SLC25A17: variants seen among roughly 807,000 people sequenced by gnomAD.
The protein encoded by SLC25A17 is solute carrier family 25 member 17, also known as peroxisomal membrane protein PMP34.
A neutral mutation model predicts 38.5 loss-of-function variants in SLC25A17; 26 were observed. The observed-to-expected ratio is 0.68, with a 90% CI of 0.50 to 0.94. SLC25A17 has a LOEUF of 0.94. SLC25A17 is among the 40% of genes least tolerant of loss of function. The pLI, the probability that SLC25A17 is intolerant of heterozygous loss-of-function variation, is 0.00. For synonymous variants in SLC25A17, 139 were observed against 136.2 expected (o/e 1.02, Z -0.14); for missense variants, 333 against 372.7 (o/e 0.89, Z 0.88).
chr22:40,798,960 A>C (rs1436646267), intron 2 of SLC25A17, 63 bp downstream of exon 2: 3 of 1,143,216 alleles, frequency 2.6e-6, no homozygotes, highest in Non-Finnish European at 3.8e-6. Flanking sequence ...AAAAAAAAAG[A>C]AATTACTAGC....
chr22:40,774,098 G>A (rs1320743532), intron 7 of SLC25A17, 79 bp from the exon 8 acceptor site: 4 of 818,390 alleles, frequency 4.9e-6, no homozygotes, highest in African/African-American at 3.4e-5. Flanking sequence ...AGGATATTAT[G>A]TTGGAGTAGT....
At chr22:40,796,641 C>T (rs1240663571) in intron 2 of SLC25A17, among the ~76,000 whole-genome samples, 2 of 151,536 alleles carry the variant, frequency 1.3e-5, no homozygotes, top group East Asian at 3.9e-4. Context: ...AGAAGGCAAT[C>T]TGGCAATAAC....
At chr22:40,776,562 A>G (rs754452185) in intron 7 of SLC25A17, among the ~76,000 whole-genome samples, 1 of 152,218 alleles carries the variant, frequency 6.6e-6, no homozygotes, top group African/African-American at 2.4e-5. Flanking sequence ...TTCATTCTAA[A>G]CCAATGACAG....
chr22:40,773,440 A>C (rs989302773), intron 8 of SLC25A17, among the ~76,000 whole-genome samples: 18 of 146,734 alleles, frequency 1.2e-4, no homozygotes, highest in Admixed American at 2.0e-4. Context: ...AAAAGGATTG[A>C]GATTACCTAT....
At chr22:40,796,428 C>G (rs2057430111) in intron 2 of SLC25A17, among the ~76,000 whole-genome samples, 1 of 151,718 alleles carries the variant, frequency 6.6e-6, no homozygotes, top group South Asian at 2.1e-4. Flanking sequence ...CACCTGAGGT[C>G]AGGAGTTCGA....
chr22:40,788,274 T>G (rs1238927656), intron 4 of SLC25A17, among the ~76,000 whole-genome samples: 1 of 152,248 alleles, frequency 6.6e-6, no homozygotes, highest in Non-Finnish European at 1.5e-5. Flanking sequence ...TTTAGTGCTA[T>G]GACATGATGG....
intron 1 of SLC25A17, 46 bp from the exon 2 acceptor site, chr22:40,799,129 A>C (rs2057458009): frequency 6.6e-7 from 1 of 1,513,062 alleles, no homozygotes; most frequent in South Asian, 1.1e-5. Context: ...AACATAGTTT[A>C]AGTCACAACT....
chr22:40,806,868 T>C (rs1283680125), intron 1 of SLC25A17, among the ~76,000 whole-genome samples: 1 of 152,218 alleles, frequency 6.6e-6, no homozygotes, highest in Non-Finnish European at 1.5e-5. Flanking sequence ...AGATGGGGTC[T>C]TGCTATGTTG....
chr22:40,792,962 C>T (rs1408909467), intron 3 of SLC25A17, among the ~76,000 whole-genome samples: 1 of 152,036 alleles, frequency 6.6e-6, no homozygotes, highest in South Asian at 2.1e-4. Context: ...TTAGAGACAA[C>T]TTCCTCATGG....
chr22:40,774,720 G>A (rs1215453146), intron 7 of SLC25A17, among the ~76,000 whole-genome samples: 2 of 152,082 alleles, frequency 1.3e-5, no homozygotes, highest in African/African-American at 2.4e-5. Context: ...CAGATTATGT[G>A]TTTACATTAT....
chr22:40,808,689 A>G (rs560347460), intron 1 of SLC25A17, among the ~76,000 whole-genome samples: 1 of 152,316 alleles, frequency 6.6e-6, no homozygotes, highest in South Asian at 2.1e-4. Context: ...TCCGTTTTGA[A>G]GTGGGTAAGA....
chr22:40,813,528 A>C (rs1487107355), intron 1 of SLC25A17, among the ~76,000 whole-genome samples: 1 of 151,830 alleles, frequency 6.6e-6, no homozygotes, highest in Non-Finnish European at 1.5e-5. Context: ...ACAGAGCGAG[A>C]CTCTGTATAA....
chr22:40,795,652 A>C (rs192255592), intron 2 of SLC25A17, among the ~76,000 whole-genome samples: 264 of 152,334 alleles, frequency 1.7e-3, no homozygotes, highest in African/African-American at 6.0e-3. Context: ...ATTAATGTAT[A>C]TATTTTCTCA....
Position 40,784,785 on chromosome 22 carries a change from A to AG in SLC25A17, c.335-5661_335-5660insC, listed in dbSNP as rs1491116481. 8.2e-4 allele frequency among the ~76,000 whole-genome samples: 7 copies of AG among 8,508 alleles called. No homozygotes were observed. The East Asian group carries it at 0.13, about 164-fold the overall frequency. 5.6% of individuals were successfully genotyped at this position (8,508 alleles called of 152,430 possible). A position where few individuals can be genotyped will look rare whatever the true frequency, so the allele number is the denominator to read the frequency against. On this transcript the variant is annotated intron_variant, in intron 4 of 8. Coordinates refer to ENST00000435456, the MANE Select transcript of SLC25A17 (RefSeq NM_006358.4). ...AGCAAGACCCTATCTCAACAACAACAAAAAAAAAAAAAAAAAAAAAGAAAA... is the reference window on the plus strand; with the variant it reads ...AGCAAGACCCTATCTCAACAACAACAGAAAAAAAAAAAAAAAAAAAAGAAAA...
chr22:40,812,760 C>A (rs1602631131), intron 1 of SLC25A17, among the ~76,000 whole-genome samples: 1 of 152,180 alleles, frequency 6.6e-6, no homozygotes, highest in South Asian at 2.1e-4. Flanking sequence ...GCAATCCCAG[C>A]ACTTTAGGAG....
intron 1 of SLC25A17, 55 bp from the exon 2 acceptor site, chr22:40,799,138 CTT>C (rs906492198): frequency 7.1e-5 from 80 of 1,125,362 alleles, no homozygotes; most frequent in Middle Eastern, 2.1e-4. Flanking sequence ...TAAGTCACAA[CTT>C]TTTTTTTTTG....
At chr22:40,811,521 C>T (rs2145706666) in intron 1 of SLC25A17, among the ~76,000 whole-genome samples, 1 of 152,084 alleles carries the variant, frequency 6.6e-6, no homozygotes, top group East Asian at 1.9e-4. Context: ...CCTTGGCTTC[C>T]CAGACTCAAG....
chr22:40,779,038 A>G lies in SLC25A17; in HGVS notation c.422T>C (p.Ile141Thr). 1.2e-6 allele frequency: 2 copies of G among 1,614,134 alleles called. No homozygotes were observed. Among genetic ancestry groups the G allele is most frequent in the Non-Finnish European group, 1.7e-6 (2 of 1,179,994 alleles). Reference sequence around the variant, plus strand: ...GATACCTTTGTAGTTTGTTGGTACAATGTCTTCATTCCTAAATTTTGCTCC... The same window carrying G: ...GATACCTTTGTAGTTTGTTGGTACAGTGTCTTCATTCCTAAATTTTGCTCC... ...LQGAKFRNED[I>T]VPTNYKGIID... is the part of the protein sequence containing the mutation. Residue 141 changes from isoleucine to threonine, a missense_variant, in exon 5 of 9, where the codon ATT becomes ACT. Transcript: ENST00000435456.
intron 4 of SLC25A17, among the ~76,000 whole-genome samples, chr22:40,783,395 C>T (rs2057310630): frequency 6.6e-6 from 1 of 152,198 alleles, no homozygotes; most frequent in African/African-American, 2.4e-5. Flanking sequence ...TAATCTAATC[C>T]AATCACCAAG....
Sources: gnomAD v4.1 joint callset for allele counts (sites outside exome capture counted in the v4.1 genomes callset) on GRCh38, gnomAD v4.1.1 for gene constraint, MANE v1.5 for transcripts, NCBI Gene and HGNC (gene_info 2026-07-23, HGNC 2026-07-21) for gene names.